Variants in BCAS4 observed in about 807,000 individuals in gnomAD.
BCAS4 encodes the protein breast carcinoma amplified sequence 4, also known as breast carcinoma-amplified sequence 4.
Under a neutral mutation model 15.7 loss-of-function variants are expected in BCAS4, and 9 were observed. The ratio of observed to expected loss-of-function variants is 0.57; its 90% CI spans 0.34 to 1.00. The LOEUF (loss-of-function observed/expected upper bound fraction) is 1.00, where lower values mean the gene tolerates loss of function less well. BCAS4 is among the 50% of genes least tolerant of loss of function. The pLI is 0.02. For synonymous variants in BCAS4, 101 were observed against 99.5 expected (o/e 1.02, Z -0.09); for missense variants, 225 against 239.1 (o/e 0.94, Z 0.39).
At chr20:50,862,478 A>G (rs981399356) in intron 4 of BCAS4, among the ~76,000 whole-genome samples, 5 of 151,876 alleles carry the variant, frequency 3.3e-5, no homozygotes, top group Admixed American at 3.3e-4. Flanking sequence ...ACAGTGCAGG[A>G]GAGGGGTCGC....
At position 50,795,076 on chromosome 20, in the gene BCAS4, C is replaced by T. The variant is rs1439440075; in HGVS notation, c.-8C>T. 1.3e-6 allele frequency: 2 copies of T among 1,494,634 alleles called. No individual in the cohort carries two copies. The highest frequency in any genetic ancestry group is 2.1e-5 in the Admixed American group (1 of 47,580). 92.6% of individuals were successfully genotyped at this position (1,494,634 alleles called of 1,614,324 possible). On this transcript the variant is annotated 5_prime_UTR_variant, in exon 1 of 5. Transcript: ENST00000371608. Reference sequence around the variant, plus strand: ...AGCCTCCGCCAGCCGGACCCCGTCGCCCTCCTGATGCTGCTCGTGGACGCT... The same window carrying T: ...AGCCTCCGCCAGCCGGACCCCGTCGTCCTCCTGATGCTGCTCGTGGACGCT...
At position 50,807,710 on chromosome 20, in the gene BCAS4, G is replaced by A. The variant is rs556199748; in HGVS notation, c.91-10501G>A. Among the ~76,000 whole-genome samples, 5 of 152,168 alleles carry A rather than the reference G, an allele frequency of 3.3e-5. No homozygotes were observed. In the East Asian group the frequency reaches 7.7e-4, roughly 23 times the overall value. The stretch of plus-strand genomic sequence containing the variant: ...CCAAAGTCCATTGTATTATTTTTAT[G>A]CCTTTGCGTCCTCATAGCTTAGCTC... On this transcript the variant is annotated intron_variant, in intron 1 of 4. Coordinates refer to ENST00000371608, the MANE Select transcript of BCAS4 (RefSeq NM_198799.4).
At chr20:50,794,954 G>A (rs1224357788), upstream of BCAS4, 5 of 1,196,982 alleles carry the variant, frequency 4.2e-6, no homozygotes, top group African/African-American at 6.4e-5. Context: ...CGACCGCCGG[G>A]AGCGCACCTG....
intron 4 of BCAS4, among the ~76,000 whole-genome samples, chr20:50,864,669 C>T (rs1408976659): frequency 6.6e-6 from 1 of 151,882 alleles, no homozygotes; most frequent in Non-Finnish European, 1.5e-5. Context: ...TCTCTAACTC[C>T]TGACCTCAGG....
Position 50,841,840 on chromosome 20 carries a change from G to T in BCAS4, c.339G>T (p.Gly113=). The change falls in exon 4 of 5, where the codon GGG becomes GGT. Residue 113 remains glycine (G), a synonymous_variant. Coordinates refer to ENST00000371608, the MANE Select transcript of BCAS4 (RefSeq NM_198799.4). ...ADVLQAERDH[G]AFPQALRRWL... ...TGCTTCAGGCTGAGCGGGACCATGG[G>T]GCCTTCCCTCAGGCCCTGCGGAGGT... 1 of 1,613,126 alleles carries T rather than the reference G, an allele frequency of 6.2e-7. No homozygotes were observed. The highest frequency in any genetic ancestry group is 2.2e-5 in the East Asian group (1 of 44,866).
intron 1 of BCAS4, among the ~76,000 whole-genome samples, chr20:50,817,121 A>T (rs1461660397): frequency 1.3e-5 from 2 of 150,920 alleles, no homozygotes; most frequent in African/African-American, 4.9e-5. Flanking sequence ...TTTTTTTTAA[A>T]GGGATGGAGT....
chr20:50,806,283 G>T (rs967482304), intron 1 of BCAS4, among the ~76,000 whole-genome samples: 1 of 152,210 alleles, frequency 6.6e-6, no homozygotes, highest in South Asian at 2.1e-4. Context: ...AGCATAAAAT[G>T]CAAGGCTGGG....
intron 1 of BCAS4, among the ~76,000 whole-genome samples, chr20:50,813,008 G>A (rs545534406): frequency 9.2e-4 from 140 of 151,544 alleles, no homozygotes; most frequent in Middle Eastern, 3.2e-3. Context: ...TTGTAGAGAC[G>A]GTGTCTCACT....
At chr20:50,873,307 G>A (rs1375102680) in intron 4 of BCAS4, among the ~76,000 whole-genome samples, 1 of 152,356 alleles carries the variant, frequency 6.6e-6, no homozygotes, top group Middle Eastern at 3.4e-3. Flanking sequence ...GGGTTGGGAT[G>A]AGGCCCAGCT....
chr20:50,848,808 G>A (rs190564799), intron 4 of BCAS4, among the ~76,000 whole-genome samples: 66 of 152,372 alleles, frequency 4.3e-4, no homozygotes, highest in Non-Finnish European at 7.2e-4. Flanking sequence ...TGAGCTCTCT[G>A]GAATCCTCCC....
chr20:50,859,979 G>A (rs2145691), intron 4 of BCAS4, among the ~76,000 whole-genome samples: 67,563 of 151,880 alleles, frequency 0.44, 18,040 homozygotes, highest in African/African-American at 0.76. Flanking sequence ...CATCTCAAAA[G>A]AAAAGAATTA....
At chr20:50,870,291 G>A (rs763182429) in intron 4 of BCAS4, among the ~76,000 whole-genome samples, 1 of 152,220 alleles carries the variant, frequency 6.6e-6, no homozygotes, top group East Asian at 1.9e-4. Context: ...ATGCGGGTGG[G>A]CCCAGACTGG....
At chr20:50,845,529 G>C (rs774393722) in intron 4 of BCAS4, among the ~76,000 whole-genome samples, 1 of 152,124 alleles carries the variant, frequency 6.6e-6, no homozygotes, top group Non-Finnish European at 1.5e-5. Context: ...TCCAATGCCC[G>C]GCATAGGTCT....
chr20:50,881,858 G>C (rs1014882388), downstream of BCAS4: 1 of 152,100 alleles, frequency 6.6e-6, no homozygotes, highest in Admixed American at 6.6e-5. Context: ...ATGGGGTTTT[G>C]CCATGTTGGC....
chr20:50,801,647 T>A lies in BCAS4; in HGVS notation c.90+6474T>A, dbSNP rs111704901. ...TGAGCCACCGCACCTGGCCTCTTCCTTAAATTGTATGGCAAACCTGCATTG... is the reference window on the plus strand; with the variant it reads ...TGAGCCACCGCACCTGGCCTCTTCCATAAATTGTATGGCAAACCTGCATTG... On this transcript the variant is annotated intron_variant, in intron 1 of 4. Transcript: ENST00000371608. Among the ~76,000 whole-genome samples, 715 of 152,258 alleles carry A rather than the reference T, an allele frequency of 4.7e-3. 3 individuals carry two copies. Among genetic ancestry groups the A allele is most frequent in the African/African-American group, 0.017 (689 of 41,548 alleles).
chr20:50,835,922 CTT>C (rs1180698817), intron 3 of BCAS4, among the ~76,000 whole-genome samples: 1 of 146,906 alleles, frequency 6.8e-6, no homozygotes. Context: ...CTTTTCTTTT[CTT>C]TTTTTTTTTC....
At chr20:50,864,822 A>C (rs770256538) in intron 4 of BCAS4, among the ~76,000 whole-genome samples, 1 of 151,984 alleles carries the variant, frequency 6.6e-6, no homozygotes, top group Non-Finnish European at 1.5e-5. Context: ...GGCTGGGCGC[A>C]GTGGCTCATG....
intron 4 of BCAS4, among the ~76,000 whole-genome samples, chr20:50,854,792 T>A (rs556683243): frequency 6.6e-6 from 1 of 152,314 alleles, no homozygotes; most frequent in South Asian, 2.1e-4. Flanking sequence ...TAGGTGTGTC[T>A]CTGACGTCTT....
intron 1 of BCAS4, among the ~76,000 whole-genome samples, chr20:50,799,907 C>T (rs377355366): frequency 6.6e-6 from 1 of 152,006 alleles, no homozygotes; most frequent in Non-Finnish European, 1.5e-5. Flanking sequence ...ATTAGCTGGG[C>T]GTGGTGGTAT....
Sources: allele counts gnomAD v4.1 joint callset (sites outside exome capture counted in the v4.1 genomes callset), GRCh38; gene constraint gnomAD v4.1.1; transcripts MANE v1.5; gene names NCBI Gene and HGNC (gene_info 2026-07-23, HGNC 2026-07-21).